The following CDH18 variants were observed in gnomAD, a reference collection of about 807,000 sequenced individuals.
CDH18 encodes cadherin-18.
A neutral mutation model predicts 67.9 loss-of-function variants in CDH18; 31 were observed. The ratio of observed to expected loss-of-function variants is 0.46; its 90% CI spans 0.34 to 0.62. The LOEUF (loss-of-function observed/expected upper bound fraction) is 0.62. CDH18 is among the 20% of genes least tolerant of loss of function. The pLI, the probability that CDH18 is intolerant of heterozygous loss-of-function variation, is 0.01. For synonymous variants in CDH18, 362 were observed against 347.2 expected (o/e 1.04, Z -0.48); for missense variants, 890 against 975.5 (o/e 0.91, Z 1.17).
intron 11 of CDH18, among the ~76,000 whole-genome samples, chr5:19,496,067 C>T (rs1378114711): frequency 6.6e-6 from 1 of 152,116 alleles, no homozygotes; most frequent in Admixed American, 6.5e-5. Flanking sequence ...GAATGCTAAA[C>T]CTCTAAGCTG....
intron 2 of CDH18, among the ~76,000 whole-genome samples, chr5:20,062,549 A>G (rs1175092116): frequency 6.6e-6 from 1 of 152,180 alleles, no homozygotes; most frequent in Non-Finnish European, 1.5e-5. Context: ...AGATTGCTTC[A>G]TCAAGGTATT....
intron 5 of CDH18, among the ~76,000 whole-genome samples, chr5:19,646,561 A>G (rs1185776099): frequency 6.6e-6 from 1 of 152,072 alleles, no homozygotes; most frequent in African/African-American, 2.4e-5. Flanking sequence ...GCTGGTCTCA[A>G]ACTCCTGACC....
chr5:19,747,695 T>G (rs748424517), intron 3 of CDH18, among the ~76,000 whole-genome samples: 1 of 152,008 alleles, frequency 6.6e-6, no homozygotes, highest in Non-Finnish European at 1.5e-5. Flanking sequence ...AAATTAATTA[T>G]TAAAATTTTC....
intron 1 of CDH18, among the ~76,000 whole-genome samples, chr5:20,406,136 A>G (rs1033674121): frequency 6.6e-6 from 1 of 152,192 alleles, no homozygotes; most frequent in African/African-American, 2.4e-5. Context: ...ATGCACACAT[A>G]TGTTTATTGC....
intron 5 of CDH18, among the ~76,000 whole-genome samples, chr5:19,647,098 A>G (rs1429866160): frequency 6.6e-6 from 1 of 152,178 alleles, no homozygotes; most frequent in Non-Finnish European, 1.5e-5. Context: ...AGTTCATAAG[A>G]TAAAGATGCA....
intron 1 of CDH18, among the ~76,000 whole-genome samples, chr5:20,328,777 T>C (rs1453152747): frequency 6.6e-6 from 1 of 152,116 alleles, no homozygotes; most frequent in Non-Finnish European, 1.5e-5. Flanking sequence ...GTGGATCCCT[T>C]GAGCCCAGGA....
intron 5 of CDH18, among the ~76,000 whole-genome samples, chr5:19,615,086 G>T (rs1004974475): frequency 2.0e-5 from 3 of 151,692 alleles, no homozygotes; most frequent in East Asian, 2.0e-4. Flanking sequence ...GGTGGAGGTT[G>T]CAGTGAGCCA....
intron 2 of CDH18, among the ~76,000 whole-genome samples, chr5:19,873,099 G>A (rs1168768607): frequency 1.3e-5 from 2 of 151,836 alleles, no homozygotes; most frequent in African/African-American, 4.8e-5. Context: ...ACATGTTATG[G>A]CTAGTTTTGT....
intron 1 of CDH18, among the ~76,000 whole-genome samples, chr5:20,376,154 C>A (rs1232226004): frequency 8.0e-6 from 1 of 124,524 alleles, no homozygotes; most frequent in South Asian, 2.7e-4. Flanking sequence ...AGTGCGGTGG[C>A]GCGATCTCGG....
intron 1 of CDH18, among the ~76,000 whole-genome samples, chr5:20,326,080 T>G (rs1409643372): frequency 2.0e-5 from 3 of 152,228 alleles, no homozygotes; most frequent in Non-Finnish European, 4.4e-5. Flanking sequence ...ATACTCTTTC[T>G]GCAAGATCTC....
chr5:20,296,918 T>A (rs1361023231), intron 1 of CDH18, among the ~76,000 whole-genome samples: 1 of 151,820 alleles, frequency 6.6e-6, no homozygotes, highest in Non-Finnish European at 1.5e-5. Flanking sequence ...TAAGTCTATG[T>A]TACTCAATAC....
At chr5:20,162,215 C>G (rs1290472035) in intron 2 of CDH18, among the ~76,000 whole-genome samples, 1 of 151,980 alleles carries the variant, frequency 6.6e-6, no homozygotes, top group Non-Finnish European at 1.5e-5. Flanking sequence ...TCATTTATCA[C>G]TCTGCTTACT....
intron 3 of CDH18, among the ~76,000 whole-genome samples, chr5:19,819,313 A>C (rs1057193087): frequency 5.3e-5 from 8 of 152,194 alleles, no homozygotes; most frequent in African/African-American, 1.9e-4. Flanking sequence ...CTTATTAAAA[A>C]TTTAGTAAAG....
chr5:20,083,903 C>G (rs1744709975), intron 2 of CDH18, among the ~76,000 whole-genome samples: 1 of 152,170 alleles, frequency 6.6e-6, no homozygotes. Flanking sequence ...CACTGGGTCC[C>G]TCCCACAACA....
chr5:19,511,563 T>C (rs745415072), intron 10 of CDH18, among the ~76,000 whole-genome samples: 1 of 152,220 alleles, frequency 6.6e-6, no homozygotes, highest in East Asian at 1.9e-4. Flanking sequence ...GAGGAACCTG[T>C]TGCAAACCAG....
intron 2 of CDH18, among the ~76,000 whole-genome samples, chr5:20,222,399 G>A (rs565472481): frequency 6.6e-6 from 1 of 152,218 alleles, no homozygotes; most frequent in African/African-American, 2.4e-5. Context: ...AACAGACATT[G>A]AGATTTACAA....
intron 2 of CDH18, among the ~76,000 whole-genome samples, chr5:19,994,955 T>C (rs1239485556): frequency 6.7e-6 from 1 of 149,692 alleles, no homozygotes; most frequent in Non-Finnish European, 1.5e-5. Flanking sequence ...GCCTGCAAGC[T>C]GGAGGCCTAG....
intron 1 of CDH18, among the ~76,000 whole-genome samples, chr5:20,519,305 T>G (rs1755576079): frequency 6.6e-6 from 1 of 151,760 alleles, no homozygotes; most frequent in Admixed American, 6.6e-5. Context: ...AAATGATGAG[T>G]TCCTGTTCTT....
At chr5:19,831,088 A>C (rs994310710) in intron 3 of CDH18, among the ~76,000 whole-genome samples, 9 of 152,162 alleles carry the variant, frequency 5.9e-5, no homozygotes, top group African/African-American at 2.2e-4. Context: ...ATCAGGTACT[A>C]TGCTTATTAC....
Sources: allele counts gnomAD v4.1 joint callset (sites outside exome capture counted in the v4.1 genomes callset), GRCh38; gene constraint gnomAD v4.1.1; transcripts MANE v1.5; gene names NCBI Gene and HGNC (gene_info 2026-07-23, HGNC 2026-07-21).